The following ARHGEF2 variants were observed in gnomAD, a reference collection of about 807,000 sequenced individuals.
ARHGEF2 encodes rho guanine nucleotide exchange factor 2.
ARHGEF2 carries 22 observed loss-of-function variants against 121.0 expected under a neutral mutation model. The ratio of observed to expected loss-of-function variants is 0.18; its 90% CI spans 0.13 to 0.26. The LOEUF (loss-of-function observed/expected upper bound fraction) is 0.26. Ranked by LOEUF, ARHGEF2 falls within the 10% of genes least tolerant of loss-of-function variation. ARHGEF2 has a pLI of 1.00. For missense variants in ARHGEF2, 907 were observed against 1,336.0 expected (o/e 0.68, Z 5.01); for synonymous variants, 487 against 530.0 (o/e 0.92, Z 1.11).
At chr1:155,959,781 G>A (rs1677509193) in intron 11 of ARHGEF2, among the ~76,000 whole-genome samples, 1 of 152,152 alleles carries the variant, frequency 6.6e-6, no homozygotes. Context: ...CGGACCTCAG[G>A]CGATCTGCCT....
chr1:155,952,200 C>T lies in ARHGEF2; in HGVS notation c.2020G>A (p.Val674Met), dbSNP rs750519721. The change falls in exon 16 of 22, where the codon GTG (valine) becomes ATG (methionine). Residue 674 changes from valine to methionine, a missense_variant. By Grantham distance (21) the Val-to-Met change is conservative. Coordinates refer to ENST00000361247, the MANE Select transcript of ARHGEF2 (RefSeq NM_001162383.2). ...TCTCGGGGTGTCAAGAGCAGTTCCA[C>T]TCCTGGCCCCACCAGCAGGTCTTTC... ...GLKDLLVGPGVELLLTPREPA... is the reference protein window; with the variant it reads ...GLKDLLVGPGMELLLTPREPA... 2 of 1,614,182 alleles carry T rather than the reference C, an allele frequency of 1.2e-6. No homozygotes were observed. Among genetic ancestry groups the T allele is most frequent in the East Asian group, 2.2e-5 (1 of 44,884 alleles).
chr1:155,978,571 G>A (rs1410989065), upstream of ARHGEF2: 2 of 1,274,236 alleles, frequency 1.6e-6, no homozygotes, highest in East Asian at 3.1e-5. This position sits in a 1 kb window ranked among gnomAD's most constrained non-coding sequence, Gnocchi z 4.1. Flanking sequence ...CCCAGCACCA[G>A]TTCCTCAAAC....
chr1:155,947,150 C>A lies in ARHGEF2; in HGVS notation c.*792G>T. 2.8e-6 allele frequency: 1 copy of A among 357,118 alleles called. No individual in the cohort carries two copies. The highest frequency in any genetic ancestry group is 5.5e-6 in the Non-Finnish European group (1 of 180,882). 22.1% of individuals were successfully genotyped at this position (357,118 alleles called of 1,614,324 possible). On this transcript the variant is annotated 3_prime_UTR_variant, in exon 22 of 22. Transcript: ENST00000361247. ...GGCAGAAGTCATTCTCTCCCCCACC[C>A]CTCAACTTCTTCAGAGATGTGGAGA...
In ARHGEF2 at chr1:155,951,065, G is replaced by A. The variant is rs760601887; in HGVS notation, c.2467C>T (p.Arg823Trp). The A allele has an allele frequency of 3.8e-6, 6 of 1,598,984 alleles. No homozygotes were observed. The highest frequency in any genetic ancestry group is 1.3e-5 in the African/African-American group (1 of 74,634). ...LLQEELRRCR[R>W]LGEERATEAG... ...TCGGTTGCCCGTTCTTCACCTAGCCGCCGGCAGCGCCGTAGCTCCTCCTGC... is the reference window on the plus strand; with the variant it reads ...TCGGTTGCCCGTTCTTCACCTAGCCACCGGCAGCGCCGTAGCTCCTCCTGC... The change falls in exon 20 of 22, where the codon CGG becomes TGG. Residue 823 changes from arginine to tryptophan, a missense_variant. Arg to Trp is a moderately radical substitution (Grantham distance 101). This residue lies in a region of ARHGEF2 where 432 missense variants were observed against 559.5 expected (regional missense o/e 0.77). Coordinates refer to ENST00000361247, the MANE Select transcript of ARHGEF2 (RefSeq NM_001162383.2). The surrounding 1 kb of genome is among the most constrained non-coding windows in gnomAD (Gnocchi z 5.1).
At chr1:155,958,495 C>T in intron 11 of ARHGEF2, 99 bp from the exon 12 acceptor site, 1 of 924,432 alleles carries the variant, frequency 1.1e-6, no homozygotes, top group Non-Finnish European at 1.7e-6. Flanking sequence ...CAGGTTAGAG[C>T]TCCCAGTTTC....
upstream of ARHGEF2, chr1:155,978,931 G>T: frequency 4.1e-6 from 4 of 985,232 alleles, no homozygotes; most frequent in Non-Finnish European, 4.8e-6. This position sits in a 1 kb window ranked among gnomAD's most constrained non-coding sequence, Gnocchi z 4.1. Context: ...TTAAAGACCC[G>T]CAGGCAGGAG....
At chr1:155,952,940 T>C in intron 14 of ARHGEF2, 112 bp from the exon 15 acceptor site, 1 of 948,480 alleles carries the variant, frequency 1.1e-6, no homozygotes, top group Non-Finnish European at 1.6e-6. Flanking sequence ...GCAGACTTAA[T>C]TTTGTTATTT....
intron 7 of ARHGEF2, 66 bp downstream of exon 7, chr1:155,964,918 AAAAT>A (rs1679055370): frequency 3.3e-6 from 5 of 1,517,236 alleles, no homozygotes. Flanking sequence ...AAGAAAAAGA[AAAAT>A]AAAGAAGGAA....
chr1:155,957,695 C>A lies in ARHGEF2; in HGVS notation c.1715+18G>T. 1.3e-6 allele frequency: 2 copies of A among 1,596,302 alleles called. No homozygotes were observed. The highest frequency in any genetic ancestry group is 1.1e-5 in the South Asian group (1 of 88,802). On this transcript the variant is annotated intron_variant, in intron 13 of 21. Coordinates refer to ENST00000361247, the MANE Select transcript of ARHGEF2 (RefSeq NM_001162383.2). ...CCCTGAGGTCATAAGCACATGCAGG[C>A]GGCAGGCAGACACTCACGTGCGCAC...
chr1:155,978,788 A>C, upstream of ARHGEF2: 1 of 906,022 alleles, frequency 1.1e-6, no homozygotes, highest in Non-Finnish European at 1.3e-6. This position sits in a 1 kb window ranked among gnomAD's most constrained non-coding sequence, Gnocchi z 4.1. Context: ...CCCGCCTCTT[A>C]GCTCTTCTTT....
chr1:155,964,199 C>CAT (rs35388474), intron 7 of ARHGEF2, among the ~76,000 whole-genome samples: 1,715 of 45,042 alleles, frequency 0.038, 22 homozygotes, highest in Non-Finnish European at 0.056. Flanking sequence ...TATATATATA[C>CAT]ATATATATAT....
At position 155,964,215 on chromosome 1, in the gene ARHGEF2, TA is replaced by T. The variant is rs1258069604; in HGVS notation, c.724+772del. The stretch of plus-strand genomic sequence containing the variant: ...ATATATATACATATATATATATATA[TA>T]TTTTTTTTTTAGAGACAGAGGTCTT... On this transcript the variant is annotated intron_variant, in intron 7 of 21. Coordinates refer to ENST00000361247, the MANE Select transcript of ARHGEF2 (RefSeq NM_001162383.2). Among the ~76,000 whole-genome samples the T allele has an allele frequency of 2.5e-3, 343 of 136,306 alleles. 10 individuals carry two copies. In the East Asian group the frequency reaches 0.035, roughly 14 times the overall value. 89.4% of individuals were successfully genotyped at this position (136,306 alleles called of 152,430 possible). A position where few individuals can be genotyped will look rare whatever the true frequency, so the allele number is the denominator to read the frequency against.
chr1:155,962,396 G>A lies in ARHGEF2; in HGVS notation c.1102-174C>T. 1 of 1,026,206 alleles carries A rather than the reference G, an allele frequency of 9.7e-7. No individual in the cohort carries two copies. Among genetic ancestry groups the A allele is most frequent in the Admixed American group, 2.5e-5 (1 of 40,490 alleles). 63.6% of individuals were successfully genotyped at this position (1,026,206 alleles called of 1,614,324 possible). Reference sequence around the variant, plus strand: ...TTTGTTGTGAGGACCAACTGAAGGAGCAAAAAGTACTTGGGAAACTACCAC... The same window carrying A: ...TTTGTTGTGAGGACCAACTGAAGGAACAAAAAGTACTTGGGAAACTACCAC... On this transcript the variant is annotated intron_variant, in intron 9 of 21. Coordinates refer to ENST00000361247, the MANE Select transcript of ARHGEF2 (RefSeq NM_001162383.2). The surrounding 1 kb of genome is among the most constrained non-coding windows in gnomAD (Gnocchi z 5.8).
Position 155,950,254 on chromosome 1 carries a change from C to G in ARHGEF2, c.2887+45G>C. 6.2e-7 allele frequency: 1 copy of G among 1,602,888 alleles called. No homozygotes were observed. The highest frequency in any genetic ancestry group is 1.1e-5 in the South Asian group (1 of 90,558). ...AAGCCACAGCCCAATGGCCTGTACC[C>G]AGGCTGCACTCTACCTCTGGTCCAT... On this transcript the variant is annotated intron_variant, in intron 21 of 21. Transcript: ENST00000361247. This position sits in a 1 kb window ranked among gnomAD's most constrained non-coding sequence, Gnocchi z 5.2.
At chr1:155,971,659 C>T (rs1465843519) in intron 1 of ARHGEF2, among the ~76,000 whole-genome samples, 1 of 151,686 alleles carries the variant, frequency 6.6e-6, no homozygotes, top group Non-Finnish European at 1.5e-5. Context: ...AAAATCTCTT[C>T]CCACTGCCAT....
chr1:155,970,244 G>A lies in ARHGEF2; in HGVS notation c.64-944C>T, dbSNP rs141376165. 1.1e-3 allele frequency: 1,081 copies of A among 982,270 alleles called. 1 individual carries two copies. The highest frequency in any genetic ancestry group is 3.7e-3 in the Middle Eastern group (7 of 1,900). 60.8% of individuals were successfully genotyped at this position (982,270 alleles called of 1,614,324 possible). On this transcript the variant is annotated intron_variant, in intron 1 of 21. Coordinates refer to ENST00000361247, the MANE Select transcript of ARHGEF2 (RefSeq NM_001162383.2). ...TCCGCAGATGGCGCACACCTTCCTC[G>A]GAGCCTCTGAGCCGCATTTTCCATC... is the stretch of plus-strand genomic sequence containing the variant.
intron 7 of ARHGEF2, among the ~76,000 whole-genome samples, 161 bp from the exon 8 acceptor site, chr1:155,963,344 CTTTT>C (rs34196691): frequency 8.8e-5 from 8 of 91,354 alleles, no homozygotes; most frequent in Non-Finnish European, 7.3e-5. Flanking sequence ...TCATTTTTAT[CTTTT>C]TTTTTTTTTT....
Position 155,978,308 on chromosome 1 carries a change from CG to C in ARHGEF2, c.63+56del. The stretch of plus-strand genomic sequence containing the variant: ...GAGACAGGAGATGCACCGCGGGTGC[CG>C]GGGTTCGGGGAGCACCCGAGGACCG... On this transcript the variant is annotated intron_variant, in intron 1 of 21. Coordinates refer to ENST00000361247, the MANE Select transcript of ARHGEF2 (RefSeq NM_001162383.2). The surrounding 1 kb of genome is among the most constrained non-coding windows in gnomAD (Gnocchi z 4.1). The C allele has an allele frequency of 7.1e-7, 1 of 1,412,534 alleles. No homozygotes were observed. The highest frequency in any genetic ancestry group is 9.4e-7 in the Non-Finnish European group (1 of 1,060,772). 87.5% of individuals were successfully genotyped at this position (1,412,534 alleles called of 1,614,324 possible).
At chr1:155,958,550 G>A (rs1486182966) in intron 11 of ARHGEF2, among the ~76,000 whole-genome samples, 154 bp from the exon 12 acceptor site, 1 of 148,100 alleles carries the variant, frequency 6.8e-6, no homozygotes, top group East Asian at 1.9e-4. Context: ...CACTTTTTCA[G>A]ACCTCTCACA....
Sources: gnomAD v4.1 joint callset for allele counts (sites outside exome capture counted in the v4.1 genomes callset) on GRCh38, gnomAD v4.1.1 for gene constraint, gnomAD v4.1.1 regional missense constraint, Gnocchi (gnomAD v3.1) non-coding constraint, MANE v1.5 for transcripts, NCBI Gene and HGNC (gene_info 2026-07-23, HGNC 2026-07-21) for gene names.